SLC6A5: variants seen among roughly 807,000 people sequenced by gnomAD.
The protein encoded by SLC6A5 is solute carrier family 6 member 5, also known as sodium- and chloride-dependent glycine transporter 2.
Under a neutral mutation model 90.5 loss-of-function variants are expected in SLC6A5, and 58 were observed. The ratio of observed to expected loss-of-function variants is 0.64; its 90% CI spans 0.52 to 0.80. The LOEUF (loss-of-function observed/expected upper bound fraction) is 0.80, where lower values mean the gene tolerates loss of function less well. SLC6A5 is among the 30% of genes least tolerant of loss of function. The pLI is 0.00. For missense variants in SLC6A5, 1,015 were observed against 1,017.6 expected (o/e 1.00, Z 0.03); for synonymous variants, 427 against 401.4 (o/e 1.06, Z -0.76).
At chr11:20,652,816 C>T (rs978113383) in intron 15 of SLC6A5, among the ~76,000 whole-genome samples, 4 of 152,178 alleles carry the variant, frequency 2.6e-5, no homozygotes, top group African/African-American at 9.7e-5. Flanking sequence ...TCCCCCTTCC[C>T]TGATGCTCCT....
At chr11:20,633,032 G>A (rs57189657) in intron 10 of SLC6A5, among the ~76,000 whole-genome samples, 4,357 of 152,052 alleles carry the variant, frequency 0.029, 230 homozygotes, top group African/African-American at 0.098. Flanking sequence ...TTTATGATAG[G>A]CATAGGGAAG....
At position 20,659,113 on chromosome 11, in the gene SLC6A5, T is replaced by C. The variant is rs891593473; in HGVS notation, c.*4245T>C. On this transcript the variant is annotated 3_prime_UTR_variant, in exon 16 of 16. Coordinates refer to ENST00000525748, the MANE Select transcript of SLC6A5 (RefSeq NM_004211.5). ...AGATTACATATTATATACTGCACATTATTCATTTAAGAAGTCATTCTTGAG... is the reference window on the plus strand; with the variant it reads ...AGATTACATATTATATACTGCACATCATTCATTTAAGAAGTCATTCTTGAG... The C allele has an allele frequency of 6.7e-6, 1 of 149,868 alleles. No individual in the cohort carries two copies. Among genetic ancestry groups the C allele is most frequent in the Non-Finnish European group, 1.5e-5 (1 of 67,594 alleles). 9.3% of individuals were successfully genotyped at this position (149,868 alleles called of 1,614,324 possible).
intron 2 of SLC6A5, among the ~76,000 whole-genome samples, chr11:20,603,309 G>T (rs765945738): frequency 3.9e-5 from 6 of 152,184 alleles, no homozygotes; most frequent in African/African-American, 1.4e-4. Flanking sequence ...GTTTATTTGG[G>T]GTGGTCTCCC....
chr11:20,635,015 T>C (rs1853177805), intron 10 of SLC6A5, among the ~76,000 whole-genome samples: 1 of 152,166 alleles, frequency 6.6e-6, no homozygotes, highest in Non-Finnish European at 1.5e-5. Flanking sequence ...GGAGAATGGC[T>C]GGCAGAGCTT....
intron 10 of SLC6A5, 144 bp downstream of exon 10, chr11:20,630,959 A>T: frequency 2.2e-6 from 2 of 891,500 alleles, no homozygotes; most frequent in Non-Finnish European, 3.6e-6. Flanking sequence ...CAGAGGGACC[A>T]AGGCAGGCTC....
At chr11:20,618,981 A>ACACACACACAC (rs376434465) in intron 7 of SLC6A5, among the ~76,000 whole-genome samples, 6,084 of 106,938 alleles carry the variant, frequency 0.057, 157 homozygotes, top group Non-Finnish European at 0.083. Context: ...CACACACACA[A>ACACACACACAC]AGAAAAACCT....
intron 7 of SLC6A5, among the ~76,000 whole-genome samples, chr11:20,624,453 C>T (rs11025659): frequency 0.26 from 40,196 of 151,970 alleles, 5,492 homozygotes; most frequent in Middle Eastern, 0.31. Context: ...CTCCCGGCCC[C>T]CAAGAGTTAT....
chr11:20,607,427 A>G, intron 4 of SLC6A5, 52 bp from the exon 5 acceptor site: 1 of 1,606,484 alleles, frequency 6.2e-7, no homozygotes, highest in Non-Finnish European at 8.5e-7. Flanking sequence ...CAACTCTAAG[A>G]ATTCCATAGC....
At position 20,656,290 on chromosome 11, in the gene SLC6A5, G is replaced by A. The variant is rs1323497950; in HGVS notation, c.*1422G>A. Reference sequence around the variant, plus strand: ...CTTTTGAATTCTGTAGAGATGGTGAGTTTAGTATAGTGTAGTCTGGGGATT... The same window carrying A: ...CTTTTGAATTCTGTAGAGATGGTGAATTTAGTATAGTGTAGTCTGGGGATT... On this transcript the variant is annotated 3_prime_UTR_variant, in exon 16 of 16. Transcript: ENST00000525748. 1 of 152,178 alleles carries A rather than the reference G, an allele frequency of 6.6e-6. No individual in the cohort carries two copies. Among genetic ancestry groups the A allele is most frequent in the East Asian group, 1.9e-4 (1 of 5,190 alleles). The allele number at this position is 152,178 out of a possible 1,614,324, so 9.4% of individuals were successfully genotyped here. A position where few individuals can be genotyped will look rare whatever the true frequency, so the allele number is the denominator to read the frequency against.
rs1445215942 is a variant in SLC6A5, at chr11:20,601,274, G to C, written c.149G>C (p.Arg50Pro). 7 of 1,586,644 alleles carry C rather than the reference G, an allele frequency of 4.4e-6. No individual in the cohort carries two copies. Among genetic ancestry groups the C allele is most frequent in the South Asian group, 1.1e-5 (1 of 89,046 alleles). Residue 50 changes from arginine to proline, a missense_variant, in exon 2 of 16, where the codon CGT (arginine) becomes CCT (proline). Transcript: ENST00000525748. Reference protein sequence around the residue: ...LPAAAAPPPPRVPRSASTGAQ... With the variant: ...LPAAAAPPPPPVPRSASTGAQ... ...GCGGCTGCCGCCCCGCCGCCGCCAC[G>C]TGTGCCCAGGTCCGCTTCCACCGGC...
chr11:20,600,366 G>C (rs1368050690), intron 1 of SLC6A5, among the ~76,000 whole-genome samples: 2 of 148,514 alleles, frequency 1.3e-5, no homozygotes, highest in Admixed American at 6.7e-5. Context: ...AGAAGAAGAA[G>C]AAGAAGAAGA....
intron 8 of SLC6A5, among the ~76,000 whole-genome samples, 172 bp downstream of exon 8, chr11:20,627,014 T>A (rs1044075739): frequency 6.6e-6 from 1 of 152,160 alleles, no homozygotes; most frequent in African/African-American, 2.4e-5. Context: ...AGTGGACAAC[T>A]GAGGGTTTTT....
intron 13 of SLC6A5, among the ~76,000 whole-genome samples, chr11:20,642,554 T>A (rs1853334490): frequency 6.6e-6 from 1 of 152,172 alleles, no homozygotes; most frequent in South Asian, 2.1e-4. Flanking sequence ...ACTTGCTCTC[T>A]TACCCCTCCA....
At chr11:20,645,223 A>G (rs775330661) in intron 13 of SLC6A5, among the ~76,000 whole-genome samples, 6 of 151,922 alleles carry the variant, frequency 3.9e-5, no homozygotes, top group Non-Finnish European at 8.8e-5. Flanking sequence ...CATCACATCC[A>G]TCCTTCCCCA....
In SLC6A5 at chr11:20,615,720, G is replaced by A. The variant is rs1590162310; in HGVS notation, c.1127+900G>A. 2.6e-5 allele frequency among the ~76,000 whole-genome samples: 4 copies of A among 151,964 alleles called. No homozygotes were observed. In the South Asian group the frequency reaches 8.3e-4, roughly 32 times the overall value. ...GTAGACAGAGTTCATCATAGGGTAC[G>A]TAAAGAGTGTTCTCTAGCTAAACTT... On this transcript the variant is annotated intron_variant, in intron 6 of 15. Transcript: ENST00000525748.
At chr11:20,600,760 T>C (rs1852454913) in intron 1 of SLC6A5, among the ~76,000 whole-genome samples, 1 of 152,168 alleles carries the variant, frequency 6.6e-6, no homozygotes, top group Non-Finnish European at 1.5e-5. Context: ...AAAGAATCTT[T>C]CTACAGTGGT....
intron 2 of SLC6A5, among the ~76,000 whole-genome samples, chr11:20,602,804 G>A (rs573131615): frequency 5.3e-5 from 8 of 152,276 alleles, no homozygotes; most frequent in African/African-American, 1.7e-4. Context: ...CTTTCCTTTC[G>A]GGGTCCACAT....
rs756401575 is a variant in SLC6A5 at position 20,617,816 on chromosome 11, C to G, written c.1192C>G (p.Leu398Val). ...TGGCGAGATCAGGTGGCCACTAGCT[C>G]TCTGCCTCTTCCTGGCTTGGGTCAT... is the stretch of plus-strand genomic sequence containing the variant. ...YPGEIRWPLA[L>V]CLFLAWVIVY... Residue 398 changes from leucine (L) to valine (V), a missense_variant, in exon 7 of 16, where the codon CTC (leucine) becomes GTC (valine). Leu to Val is a conservative substitution (Grantham distance 32). Transcript: ENST00000525748. 4 of 1,614,180 alleles carry G rather than the reference C, an allele frequency of 2.5e-6. No homozygotes were observed. The Admixed American group carries it at 6.7e-5, about 27-fold the overall frequency.
In SLC6A5 at chr11:20,617,137, C is replaced by A. The variant is rs75213486; in HGVS notation, c.1128-615C>A. ...AGTTGCCAGCAGCAGCTACAGCTGA[C>A]CAGTGGCCTCTTCTGTTGGCAGCTG... On this transcript the variant is annotated intron_variant, in intron 6 of 15. Transcript: ENST00000525748. 6.1e-3 allele frequency among the ~76,000 whole-genome samples: 924 copies of A among 152,302 alleles called. 6 individuals are homozygous for A. Among genetic ancestry groups the A allele is most frequent in the African/African-American group, 0.021 (869 of 41,564 alleles).
Sources: allele counts gnomAD v4.1 joint callset (sites outside exome capture counted in the v4.1 genomes callset), GRCh38; gene constraint gnomAD v4.1.1; transcripts MANE v1.5; gene names NCBI Gene and HGNC (gene_info 2026-07-23, HGNC 2026-07-21).